AGO3: variants seen among roughly 807,000 people sequenced by gnomAD.
AGO3 encodes argonaute RISC catalytic component 3.
Under a neutral mutation model 105.5 loss-of-function variants are expected in AGO3, and 16 were observed. The observed-to-expected ratio is 0.15, with a 90% confidence interval of 0.10 to 0.23. The LOEUF (loss-of-function observed/expected upper bound fraction) is 0.23, where lower values mean the gene tolerates loss of function less well. AGO3 is among the 10% of genes least tolerant of loss of function. AGO3 has a pLI of 1.00. For missense variants in AGO3, 534 were observed against 1,088.0 expected (o/e 0.49, Z 7.16); for synonymous variants, 340 against 367.3 (o/e 0.93, Z 0.85).
At chr1:35,945,041 C>T (rs768000644) in intron 1 of AGO3, among the ~76,000 whole-genome samples, 2 of 151,940 alleles carry the variant, frequency 1.3e-5, no homozygotes, top group Admixed American at 6.6e-5. Flanking sequence ...TGAGCTCAGG[C>T]GATCCACCTG....
intron 2 of AGO3, among the ~76,000 whole-genome samples, chr1:35,956,381 A>G (rs888111492): frequency 6.6e-6 from 1 of 152,222 alleles, no homozygotes; most frequent in African/African-American, 2.4e-5. Flanking sequence ...CAGAAGTTCA[A>G]TAGGTTATTG....
At chr1:36,043,294 C>T (rs1642326040) in intron 16 of AGO3, 153 bp from the exon 17 acceptor site, 1 of 633,402 alleles carries the variant, frequency 1.6e-6, no homozygotes, top group Non-Finnish European at 2.8e-6. Context: ...CTAGGACCTG[C>T]GTAGTCTGCT....
chr1:36,051,783 G>A (rs926357948), intron 17 of AGO3, among the ~76,000 whole-genome samples: 2 of 152,080 alleles, frequency 1.3e-5, no homozygotes, highest in Non-Finnish European at 2.9e-5. Flanking sequence ...TTTTAAAATA[G>A]GCAAATGTCT....
At chr1:36,035,151 C>T (rs1032776306) in intron 13 of AGO3, among the ~76,000 whole-genome samples, 1 of 152,066 alleles carries the variant, frequency 6.6e-6, no homozygotes, top group Non-Finnish European at 1.5e-5. Flanking sequence ...ACTTTCTACC[C>T]CTGTTAAATA....
At chr1:35,966,644 G>A (rs1646779791) in intron 2 of AGO3, among the ~76,000 whole-genome samples, 1 of 152,110 alleles carries the variant, frequency 6.6e-6, no homozygotes, top group African/African-American at 2.4e-5. Flanking sequence ...AATATGTTAG[G>A]GAGTGCTTAG....
intron 1 of AGO3, among the ~76,000 whole-genome samples, chr1:35,938,857 C>T (rs915015199): frequency 2.0e-5 from 3 of 151,606 alleles, no homozygotes; most frequent in Admixed American, 6.6e-5. Context: ...TGTTTTTTTT[C>T]ATCAGTCACA....
Position 36,062,613 on chromosome 1 carries a change from A to G in AGO3, c.*6868A>G, listed in dbSNP as rs1643039670. On this transcript the variant is annotated 3_prime_UTR_variant, in exon 19 of 19. Transcript: ENST00000373191. ...AGAAAGGAAAATAGTAGAACCTTTC[A>G]TACTAATTAGAAATGTAGTTACCTA... The G allele has an allele frequency of 6.6e-6, 1 of 152,218 alleles. No individual in the cohort carries two copies. Among genetic ancestry groups the G allele is most frequent in the Non-Finnish European group, 1.5e-5 (1 of 68,040 alleles). 9.4% of individuals were successfully genotyped at this position (152,218 alleles called of 1,614,324 possible).
At chr1:35,931,562 G>T in intron 1 of AGO3, 117 bp downstream of exon 1, 1 of 1,124,050 alleles carries the variant, frequency 8.9e-7, no homozygotes, top group African/African-American at 1.6e-5. Context: ...GGCATCGCTC[G>T]GTCTCCCGCC....
In AGO3 at chr1:36,009,461, T is replaced by G. The variant is rs745966305; in HGVS notation, c.1030-14T>G. ...GATATATACATGTAGTACAAAACTT[T>G]TTTCCATTTGTAGGTCTGTAATATT... On this transcript the variant is annotated splice_polypyrimidine_tract_variant and intron_variant, in intron 8 of 18. Transcript: ENST00000373191. 1.9e-6 allele frequency: 3 copies of G among 1,603,074 alleles called. No homozygotes were observed. The South Asian group carries it at 3.3e-5, about 18-fold the overall frequency.
intron 12 of AGO3, among the ~76,000 whole-genome samples, chr1:36,028,779 T>G (rs1641632900): frequency 1.3e-5 from 2 of 152,236 alleles, no homozygotes; most frequent in South Asian, 4.1e-4. Context: ...GATGGCTGGG[T>G]CAAATGGTAT....
At chr1:36,016,569 A>G (rs1640913185) in intron 11 of AGO3, among the ~76,000 whole-genome samples, 1 of 152,026 alleles carries the variant, frequency 6.6e-6, no homozygotes, top group South Asian at 2.1e-4. Flanking sequence ...TTAATTTAAC[A>G]GTTATCCCCT....
intron 17 of AGO3, among the ~76,000 whole-genome samples, chr1:36,047,178 G>A (rs994202187): frequency 6.6e-6 from 1 of 152,016 alleles, no homozygotes; most frequent in Non-Finnish European, 1.5e-5. Context: ...GGGAGGTGGA[G>A]GTTGCAGTGA....
At chr1:36,004,508 A>C in intron 6 of AGO3, 33 bp downstream of exon 6, 1 of 1,539,834 alleles carries the variant, frequency 6.5e-7, no homozygotes, top group Non-Finnish European at 8.8e-7. Flanking sequence ...CAACTTAACT[A>C]TAAAATGCAT....
intron 11 of AGO3, among the ~76,000 whole-genome samples, chr1:36,025,264 A>G (rs1198899668): frequency 6.6e-6 from 1 of 152,118 alleles, no homozygotes; most frequent in Non-Finnish European, 1.5e-5. Context: ...CCTTTTTATT[A>G]ATCCCAAATC....
chr1:36,014,433 C>T (rs961476657), intron 11 of AGO3, among the ~76,000 whole-genome samples: 12 of 151,274 alleles, frequency 7.9e-5, no homozygotes, highest in African/African-American at 2.4e-4. Flanking sequence ...GCTGGGATTA[C>T]AGGCATGAGC....
chr1:35,954,993 T>G (rs1646537817), intron 2 of AGO3, among the ~76,000 whole-genome samples: 4 of 152,180 alleles, frequency 2.6e-5, no homozygotes, highest in Admixed American at 2.6e-4. Context: ...ATAATCCACA[T>G]AGACAGCATG....
At chr1:35,980,994 T>C (rs536933830) in intron 5 of AGO3, among the ~76,000 whole-genome samples, 2 of 152,290 alleles carry the variant, frequency 1.3e-5, no homozygotes, top group Admixed American at 1.3e-4. Context: ...AAAATTCTTT[T>C]TCTCCCATTT....
chr1:36,047,345 A>G (rs930004691), intron 17 of AGO3, among the ~76,000 whole-genome samples: 5 of 152,144 alleles, frequency 3.3e-5, no homozygotes, highest in Non-Finnish European at 5.9e-5. Flanking sequence ...GAAGAATTCA[A>G]TGGAAAATAC....
intron 13 of AGO3, 69 bp from the exon 14 acceptor site, chr1:36,036,108 A>T: frequency 6.9e-7 from 1 of 1,446,464 alleles, no homozygotes; most frequent in Non-Finnish European, 9.7e-7. Context: ...TTACGTTGCA[A>T]TTGTGTGAAA....
Sources: gnomAD v4.1 joint callset for allele counts (sites outside exome capture counted in the v4.1 genomes callset) on GRCh38, gnomAD v4.1.1 for gene constraint, MANE v1.5 for transcripts, NCBI Gene and HGNC (gene_info 2026-07-23, HGNC 2026-07-21) for gene names.